INSR: variants seen among roughly 807,000 people sequenced by gnomAD.
INSR encodes the protein insulin receptor.
INSR carries 67 observed loss-of-function variants against 142.6 expected under a neutral mutation model. The ratio of observed to expected loss-of-function variants is 0.47; its 90% CI spans 0.39 to 0.58. INSR has a LOEUF of 0.58. INSR is among the 20% of genes least tolerant of loss of function. INSR has a pLI of 0.00. For synonymous variants in INSR, 756 were observed against 743.1 expected, an observed-to-expected ratio of 1.02 and a Z score of -0.28; for missense variants, 1,248 against 1,833.2, an observed-to-expected ratio of 0.68 and a Z score of 5.83.
At chr19:7,253,356 A>G (rs1976793739) in intron 2 of INSR, among the ~76,000 whole-genome samples, 1 of 151,902 alleles carries the variant, frequency 6.6e-6, no homozygotes, top group Non-Finnish European at 1.5e-5. Context: ...CTCCTGCCTC[A>G]GCCCCCCGAG....
chr19:7,154,645 T>C (rs1312487289), intron 9 of INSR, among the ~76,000 whole-genome samples: 2 of 145,448 alleles, frequency 1.4e-5, no homozygotes, highest in African/African-American at 5.0e-5. Flanking sequence ...GCCAGGTGGC[T>C]GGGCGCGGTG....
chr19:7,134,255 C>T (rs11672739), intron 13 of INSR, among the ~76,000 whole-genome samples: 20,693 of 152,182 alleles, frequency 0.14, 1,581 homozygotes, highest in African/African-American at 0.2. Flanking sequence ...CTTAAGACCA[C>T]TGCAGAATAT....
rs1490255779 is a variant in INSR, at chr19:7,294,405, G to A, written c.-514C>T. ...CCCGTGCGGGCCGCGGGAAAAGGCG[G>A]CGCGGATCTGGCCTAGGAAGGGACT... is the stretch of plus-strand genomic sequence containing the variant. On this transcript the variant is annotated 5_prime_UTR_variant, in exon 1 of 22. Coordinates refer to ENST00000302850, the MANE Select transcript of INSR (RefSeq NM_000208.4). Among the ~76,000 whole-genome samples the A allele has an allele frequency of 6.6e-6, 1 of 151,630 alleles. No homozygotes were observed. Among genetic ancestry groups the A allele is most frequent in the African/African-American group, 2.4e-5 (1 of 41,364 alleles).
At chr19:7,178,243 T>TG (rs754976117) in intron 3 of INSR, among the ~76,000 whole-genome samples, 6,945 of 47,130 alleles carry the variant, frequency 0.15, 318 homozygotes, top group Non-Finnish European at 0.19. Context: ...GGGTGACTTG[T>TG]GGGGGGGGGG....
In INSR at chr19:7,166,718, G is replaced by A. The variant is rs907278563; in HGVS notation, c.1611-314C>T. On this transcript the variant is annotated intron_variant, in intron 7 of 21. Transcript: ENST00000302850. The surrounding 1 kb of genome is among the most constrained non-coding windows in gnomAD (Gnocchi z 4.1). The stretch of plus-strand genomic sequence containing the variant: ...GCGGATCACCAGAAGTCAGGAGTTC[G>A]AGACCAGCCTGGCCAACATGGTGAA... Among the ~76,000 whole-genome samples, 9 of 152,052 alleles carry A rather than the reference G, an allele frequency of 5.9e-5. No individual in the cohort carries two copies. Among genetic ancestry groups the A allele is most frequent in the Non-Finnish European group, 8.8e-5 (6 of 68,014 alleles).
rs927724904 is a variant in INSR at position 7,168,636 on chromosome 19, T to G, written c.1484-542A>C. Among the ~76,000 whole-genome samples the G allele has an allele frequency of 2.0e-5, 3 of 152,124 alleles. No homozygotes were observed. Among genetic ancestry groups the G allele is most frequent in the Non-Finnish European group, 2.9e-5 (2 of 68,006 alleles). Reference sequence around the variant, plus strand: ...CTCGCTCTCTCTCCTTGCACTACATTTTTTTTGAGACAGTCTTGCTCTGTC... The same window carrying G: ...CTCGCTCTCTCTCCTTGCACTACATGTTTTTTGAGACAGTCTTGCTCTGTC... On this transcript the variant is annotated intron_variant, in intron 6 of 21. Coordinates refer to ENST00000302850, the MANE Select transcript of INSR (RefSeq NM_000208.4). The surrounding 1 kb of genome is among the most constrained non-coding windows in gnomAD (Gnocchi z 4.3).
chr19:7,256,106 A>C (rs1181463226), intron 2 of INSR, among the ~76,000 whole-genome samples: 1 of 152,062 alleles, frequency 6.6e-6, no homozygotes, highest in Non-Finnish European at 1.5e-5. Flanking sequence ...TTTCAATCAA[A>C]TTTTTAAAAT....
At position 7,122,780 on chromosome 19, in the gene INSR, C is replaced by G. The variant is rs889878280; in HGVS notation, c.3370-7G>C. 11 of 1,614,054 alleles carry G rather than the reference C, an allele frequency of 6.8e-6. No homozygotes were observed. Among genetic ancestry groups the G allele is most frequent in the Non-Finnish European group, 7.6e-6 (9 of 1,179,982 alleles). On this transcript the variant is annotated splice_region_variant and splice_polypyrimidine_tract_variant and intron_variant, in intron 18 of 21. Transcript: ENST00000302850. ...GAGGGCGGCCAGGATTATTCTAAAA[C>G]AGAAACACGGGGTTGGTGTTTCAGC...
chr19:7,160,840 A>C (rs1664100952), intron 9 of INSR, among the ~76,000 whole-genome samples: 1 of 151,770 alleles, frequency 6.6e-6, no homozygotes, highest in Admixed American at 6.6e-5. Context: ...TCTACTAAAA[A>C]TACAAAAATT....
intron 1 of INSR, among the ~76,000 whole-genome samples, chr19:7,287,925 T>G (rs1427337764): frequency 2.6e-5 from 4 of 152,170 alleles, no homozygotes; most frequent in Non-Finnish European, 5.9e-5. Flanking sequence ...TGTCGGGGCA[T>G]TTTTGCGCAG....
chr19:7,170,982 T>C lies in INSR; in HGVS notation c.1269-231A>G, dbSNP rs61311198. On this transcript the variant is annotated intron_variant, in intron 5 of 21. Coordinates refer to ENST00000302850, the MANE Select transcript of INSR (RefSeq NM_000208.4). ...CAGTCTTGAAGAGGGGTGGTGAGTC[T>C]GTGATGGACTGAGGAATAGGTTTTG... 0.025 allele frequency among the ~76,000 whole-genome samples: 3,816 copies of C among 152,246 alleles called. 142 individuals carry two copies. Among genetic ancestry groups the C allele is most frequent in the African/African-American group, 0.087 (3,615 of 41,544 alleles).
At chr19:7,140,531 T>C (rs1973043400) in intron 13 of INSR, among the ~76,000 whole-genome samples, 1 of 152,196 alleles carries the variant, frequency 6.6e-6, no homozygotes, top group South Asian at 2.1e-4. Flanking sequence ...AGTCATGCAT[T>C]TGGATCATGA....
intron 2 of INSR, among the ~76,000 whole-genome samples, chr19:7,223,323 G>A (rs1568496899): frequency 6.6e-6 from 1 of 152,192 alleles, no homozygotes. Flanking sequence ...TCTAGAGAAA[G>A]AAGCCCAGCA....
intron 12 of INSR, 78 bp from the exon 13 acceptor site, chr19:7,141,894 C>A (rs137892120): frequency 1.6e-6 from 2 of 1,217,310 alleles, no homozygotes; most frequent in East Asian, 2.4e-5. Flanking sequence ...CATGGTGCAA[C>A]CTTGGGCTGG....
At chr19:7,253,207 A>G (rs1368265681) in intron 2 of INSR, among the ~76,000 whole-genome samples, 1 of 150,148 alleles carries the variant, frequency 6.7e-6, no homozygotes, top group Non-Finnish European at 1.5e-5. Context: ...CATGCCCTAC[A>G]GTGTAATTTT....
Position 7,174,694 on chromosome 19 carries a change from C to G in INSR, c.1012G>C (p.Val338Leu). ...CTPCLGPCPK[V>L]CHLLEGEKTI... ...TTCTCGCCTTCTAGGAGGTGGCACA[C>G]CTTGGGACAGGGACCCAGGCATGGG... Residue 338 changes from valine (V) to leucine (L), a missense_variant, in exon 4 of 22, where the codon GTG becomes CTG. By Grantham distance (32) the Val-to-Leu change is conservative (BLOSUM62 1). Coordinates refer to ENST00000302850, the MANE Select transcript of INSR (RefSeq NM_000208.4). 2 of 1,613,986 alleles carry G rather than the reference C, an allele frequency of 1.2e-6. No homozygotes were observed. The highest frequency in any genetic ancestry group is 2.2e-5 in the South Asian group (2 of 91,064).
intron 20 of INSR, 30 bp downstream of exon 20, chr19:7,120,590 C>A (rs200281940): frequency 6.2e-7 from 1 of 1,613,220 alleles, no homozygotes. Flanking sequence ...TCAAGCCCAG[C>A]GTCCATCCAC....
At chr19:7,130,836 TTTTC>T (rs1008694834) in intron 14 of INSR, among the ~76,000 whole-genome samples, 11 of 151,488 alleles carry the variant, frequency 7.3e-5, no homozygotes, top group African/African-American at 2.2e-4. Context: ...CTTTCTTTCC[TTTTC>T]TTTCTTTTTC....
intron 17 of INSR, among the ~76,000 whole-genome samples, chr19:7,123,825 C>T (rs373716582): frequency 1.7e-4 from 26 of 151,890 alleles, no homozygotes; most frequent in Admixed American, 7.9e-4. Flanking sequence ...CAGGAGGCCG[C>T]GGCAGGAGAA....
Sources: allele counts gnomAD v4.1 joint callset (sites outside exome capture counted in the v4.1 genomes callset), GRCh38; gene constraint gnomAD v4.1.1; non-coding constraint Gnocchi (gnomAD v3.1); transcripts MANE v1.5; gene names NCBI Gene and HGNC (gene_info 2026-07-23, HGNC 2026-07-21).